The following SHOX variants were observed in gnomAD, a reference collection of about 807,000 sequenced individuals.
SHOX encodes the protein short stature homeobox protein.
In SHOX, 12 loss-of-function variants were observed where a neutral mutation model predicts 29.6. The observed-to-expected ratio is 0.41, with a 90% CI of 0.26 to 0.66. SHOX has a LOEUF of 0.66. Among genes scored for constraint, SHOX ranks in the 30% least tolerant of loss-of-function variants. SHOX has a pLI of 0.35. For synonymous variants in SHOX, 214 were observed against 200.6 expected (o/e 1.07, Z -0.57); for missense variants, 499 against 437.7 (o/e 1.14, Z -1.25).
rs185173390 is a variant in SHOX at position 649,068 on chromosome X, C to T, written c.*4432C>T. ...CTTCTTTCTTTCTTCGATGAAGTCT[C>T]ACTCTGTCACCCAGGCTGGAGTGCA... On this transcript the variant is annotated 3_prime_UTR_variant, in exon 5 of 5. Coordinates refer to ENST00000686671, the MANE Select transcript of SHOX (RefSeq NM_000451.4). 1.9e-4 allele frequency among the ~76,000 whole-genome samples: 28 copies of T among 149,150 alleles called. No individual in the cohort carries two copies. In the East Asian group the frequency reaches 5.3e-3, roughly 28 times the overall value.
chrX:632,356 A>C (rs2052666015), intron 1 of SHOX, among the ~76,000 whole-genome samples: 1 of 152,218 alleles, frequency 6.6e-6, no homozygotes. Flanking sequence ...CTGTGCACAC[A>C]CGACAACTGG....
intron 2 of SHOX, 127 bp downstream of exon 2, chrX:634,953 G>C (rs1327962383): frequency 8.0e-6 from 8 of 996,884 alleles, no homozygotes; most frequent in Non-Finnish European, 1.2e-5. Flanking sequence ...GGGAGGTTGG[G>C]TGAGGGACGG....
chrX:634,531 C>A (rs2052706616), intron 1 of SHOX, 87 bp from the exon 2 acceptor site: 1 of 1,447,952 alleles, frequency 6.9e-7, no homozygotes, highest in Non-Finnish European at 9.6e-7. Flanking sequence ...CGAGGGCCCC[C>A]TTTCCACCGC....
intron 1 of SHOX, chrX:631,784 G>C (rs1357136413): frequency 4.8e-6 from 2 of 416,982 alleles, no homozygotes; most frequent in African/African-American, 2.0e-5. Flanking sequence ...CACCCGCCTC[G>C]GCCTCCCAAA....
chrX:637,171 G>A (rs916799019), intron 2 of SHOX, among the ~76,000 whole-genome samples: 20 of 151,904 alleles, frequency 1.3e-4, no homozygotes, highest in African/African-American at 4.6e-4. Flanking sequence ...TGTGGCCTCA[G>A]TGAGGGAAGG....
intron 2 of SHOX, among the ~76,000 whole-genome samples, chrX:636,796 T>C (rs1198075542): frequency 1.4e-5 from 2 of 143,710 alleles, no homozygotes; most frequent in African/African-American, 2.5e-5. Flanking sequence ...TAAAAATATA[T>C]ATATATTTTT....
chrX:635,735 G>T (rs1363430236), intron 2 of SHOX, among the ~76,000 whole-genome samples: 4 of 152,128 alleles, frequency 2.6e-5, no homozygotes, highest in Non-Finnish European at 5.9e-5. Context: ...TTATTTCAGG[G>T]GTGCTGCTGG....
At chrX:630,578 G>A (rs764305289), upstream of SHOX, 17 of 495,942 alleles carry the variant, frequency 3.4e-5, no homozygotes, top group African/African-American at 2.5e-4. Context: ...TCCAAAAATG[G>A]GATCTTTCCC....
chrX:658,571 C>A (rs866225973), intron 5 of SHOX, among the ~76,000 whole-genome samples: 3 of 150,334 alleles, frequency 2.0e-5, no homozygotes, highest in Admixed American at 6.6e-5. Context: ...CCCGGGTTCA[C>A]GCCATTCTCC....
intron 1 of SHOX, 133 bp from the exon 2 acceptor site, chrX:634,485 C>A (rs2052705899): frequency 1.1e-6 from 1 of 914,824 alleles, no homozygotes; most frequent in Non-Finnish European, 1.8e-6. Context: ...GCCTTATGGA[C>A]CCCACGCAGT....
intron 2 of SHOX, among the ~76,000 whole-genome samples, chrX:636,057 T>G (rs12397389): frequency 0.08 from 12,148 of 151,936 alleles, 532 homozygotes; most frequent in Middle Eastern, 0.12. Flanking sequence ...CAGCTTGCTC[T>G]CGATTTTGCT....
intron 1 of SHOX, among the ~76,000 whole-genome samples, chrX:633,801 C>G (rs759126026): frequency 1.3e-5 from 2 of 152,146 alleles, no homozygotes; most frequent in South Asian, 2.1e-4. Flanking sequence ...GAGGGAGACA[C>G]CTTTTACTTA....
intron 4 of SHOX, 129 bp from the exon 5 acceptor site, chrX:644,262 C>T (rs1343921556): frequency 1.6e-6 from 2 of 1,241,464 alleles, no homozygotes; most frequent in African/African-American, 1.6e-5. Flanking sequence ...GGGGTGGTCT[C>T]CACGGCTGGA....
At chrX:625,232 C>CTCCTCCTCCTCCTTCTTCCTCT (rs1248976040) in intron 1 of SHOX, among the ~76,000 whole-genome samples, 1 of 145,306 alleles carries the variant, frequency 6.9e-6, no homozygotes, top group African/African-American at 2.6e-5. Context: ...CTTCTCCCTC[C>CTCCTCCTCCTCCTTCTTCCTCT]TCCTCCTCCT....
At position 650,034 on chromosome X, in the gene SHOX, G is replaced by C. The variant is rs905552292; in HGVS notation, c.*5398G>C. 4.4e-6 allele frequency: 2 copies of C among 455,780 alleles called. No homozygotes were observed. The highest frequency in any genetic ancestry group is 2.0e-5 in the African/African-American group (1 of 50,060). The allele number at this position is 455,780 out of a possible 1,614,324, so 28.2% of individuals were successfully genotyped here. ...TCTGACTGGTGCATACTTTGCAAAGGTGTGTTCCTGGCAATTGCCAAGAGT... is the reference window on the plus strand; with the variant it reads ...TCTGACTGGTGCATACTTTGCAAAGCTGTGTTCCTGGCAATTGCCAAGAGT... On this transcript the variant is annotated 3_prime_UTR_variant, in exon 5 of 5. Coordinates refer to ENST00000686671, the MANE Select transcript of SHOX (RefSeq NM_000451.4).
In SHOX at chrX:624,983, C is replaced by T. The variant is rs181138816; in HGVS notation, c.-433+381C>T. Among the ~76,000 whole-genome samples the T allele has an allele frequency of 9.7e-4, 144 of 148,212 alleles. 1 individual carries two copies. Among genetic ancestry groups the T allele is most frequent in the Non-Finnish European group, 1.2e-3 (79 of 67,158 alleles). On this transcript the variant is annotated intron_variant, in intron 1 of 5. Coordinates refer to the SHOX transcript ENST00000334060. ...CTTTTGGAGCTTTCCTTTTCTTTTCCAGAAAGCTTTTTCCTTCCTTCCCTC... is the reference window on the plus strand; with the variant it reads ...CTTTTGGAGCTTTCCTTTTCTTTTCTAGAAAGCTTTTTCCTTCCTTCCCTC...
In SHOX at chrX:644,732, C is replaced by T. The variant is rs912546486; in HGVS notation, c.*96C>T. 1.5e-6 allele frequency: 2 copies of T among 1,329,044 alleles called. No individual in the cohort carries two copies. Among genetic ancestry groups the T allele is most frequent in the African/African-American group, 1.6e-5 (1 of 64,252 alleles). 82.3% of individuals were successfully genotyped at this position (1,329,044 alleles called of 1,614,324 possible). A position where few individuals can be genotyped will look rare whatever the true frequency, so the allele number is the denominator to read the frequency against. On this transcript the variant is annotated 3_prime_UTR_variant, in exon 5 of 5. Coordinates refer to ENST00000686671, the MANE Select transcript of SHOX (RefSeq NM_000451.4). The stretch of plus-strand genomic sequence containing the variant: ...ACTCAACCCCGCCTGGAGCTCCTTC[C>T]GCGGCCACCGTGCTCCGGGCACCCC...
upstream of SHOX, among the ~76,000 whole-genome samples, chrX:627,355 T>C (rs961276079): frequency 3.3e-5 from 5 of 152,208 alleles, no homozygotes; most frequent in African/African-American, 4.8e-5. Context: ...GGGTGTTTCC[T>C]GCCTGTCTTT....
chrX:644,038 G>A (rs1162257268), intron 4 of SHOX, among the ~76,000 whole-genome samples: 1 of 151,618 alleles, frequency 6.6e-6, no homozygotes, highest in East Asian at 1.9e-4. Context: ...GAGAGGTTAC[G>A]GGGGCTGGTT....
Sources: gnomAD v4.1 joint callset for allele counts (sites outside exome capture counted in the v4.1 genomes callset) on GRCh38, gnomAD v4.1.1 for gene constraint, MANE v1.5 for transcripts, NCBI Gene and HGNC (gene_info 2026-07-23, HGNC 2026-07-21) for gene names.